The following SNX18 variants were observed in gnomAD, a reference collection of about 807,000 sequenced individuals.
The protein encoded by SNX18 is sorting nexin 18, also known as sorting nexin-18.
Under a neutral mutation model 48.7 loss-of-function variants are expected in SNX18, and 35 were observed. That is an observed-to-expected ratio of 0.72 (90% confidence interval 0.55 to 0.95). SNX18 has a LOEUF of 0.95. SNX18 is among the 40% of genes least tolerant of loss of function. The pLI, the probability that SNX18 is intolerant of heterozygous loss-of-function variation, is 0.00. For missense variants in SNX18, 824 were observed against 871.0 expected (o/e 0.95, Z 0.68); for synonymous variants, 492 against 384.7 (o/e 1.28, Z -3.26).
At chr5:54,614,174 T>A in the SNX18 span, among the ~76,000 whole-genome samples, 183 of 152,352 alleles carry the variant, frequency 1.2e-3, no homozygotes, top group African/African-American at 4.2e-3. Flanking sequence ...GCCAGCCCAT[T>A]GGCCATCATG....
chr5:54,533,491 G>A (rs898376498), intron 1 of SNX18, among the ~76,000 whole-genome samples: 3 of 152,184 alleles, frequency 2.0e-5, no homozygotes, highest in East Asian at 1.9e-4. Context: ...CTTTGAGGCC[G>A]ATCTATGGGG....
intron 1 of SNX18, among the ~76,000 whole-genome samples, chr5:54,532,313 T>A (rs1039138844): frequency 1.0e-5 from 1 of 100,124 alleles, no homozygotes; most frequent in Non-Finnish European, 2.4e-5. Flanking sequence ...GTTGCTTTTT[T>A]TTTTTCTTTT....
At chr5:54,621,978 C>T in the SNX18 span, among the ~76,000 whole-genome samples, 1 of 152,174 alleles carries the variant, frequency 6.6e-6, no homozygotes, top group East Asian at 1.9e-4. Context: ...CTCCAACTGC[C>T]TGGTAATAAT....
chr5:54,614,989 A>C, the SNX18 span, among the ~76,000 whole-genome samples: 3 of 152,172 alleles, frequency 2.0e-5, no homozygotes, highest in Non-Finnish European at 4.4e-5. Context: ...AGAGATTAAG[A>C]AACTTGTCCA....
the SNX18 span, among the ~76,000 whole-genome samples, chr5:54,562,326 T>G: frequency 6.6e-6 from 1 of 152,340 alleles, no homozygotes; most frequent in Admixed American, 6.5e-5. Context: ...GTTAAAAATA[T>G]GAAGGCAGAA....
the SNX18 span, among the ~76,000 whole-genome samples, chr5:54,596,975 T>C: frequency 6.6e-4 from 100 of 151,830 alleles, no homozygotes; most frequent in East Asian, 0.019. Flanking sequence ...GGATAAAGAG[T>C]CAAAATCCAG....
At chr5:54,633,703 A>C in the SNX18 span, among the ~76,000 whole-genome samples, 1 of 152,260 alleles carries the variant, frequency 6.6e-6, no homozygotes, top group Non-Finnish European at 1.5e-5. Context: ...GTTACCTGTT[A>C]CTATGCATTT....
rs184243788 is a variant in SNX18, at chr5:54,522,373, A to T, written c.1621+2800A>T. On this transcript the variant is annotated intron_variant, in intron 1 of 1. Coordinates refer to ENST00000381410, the MANE Select transcript of SNX18 (RefSeq NM_001102575.2). ...AACTGAATATTGGTCAACAGAAATG[A>T]TAGAACTTTTCCATCAGTGCTGAAA... 4.4e-3 allele frequency among the ~76,000 whole-genome samples: 674 copies of T among 152,350 alleles called. 3 individuals carry two copies. Among genetic ancestry groups the T allele is most frequent in the Admixed American group, 8.7e-3 (133 of 15,306 alleles).
At chr5:54,639,841 G>A in the SNX18 span, among the ~76,000 whole-genome samples, 1 of 152,176 alleles carries the variant, frequency 6.6e-6, no homozygotes, top group Non-Finnish European at 1.5e-5. Context: ...GGCTGACCAA[G>A]GAGGTTATGC....
chr5:54,641,039 G>A, the SNX18 span, among the ~76,000 whole-genome samples: 14 of 152,020 alleles, frequency 9.2e-5, no homozygotes, highest in Admixed American at 1.3e-4. Context: ...CAGCCTGCAC[G>A]ACAAAGCAAG....
At chr5:54,627,168 AT>A in the SNX18 span, among the ~76,000 whole-genome samples, 1 of 152,356 alleles carries the variant, frequency 6.6e-6, no homozygotes, top group South Asian at 2.1e-4. Context: ...ACAAATAAAA[AT>A]TAACATCTAC....
At chr5:54,567,581 A>G in the SNX18 span, among the ~76,000 whole-genome samples, 5 of 152,154 alleles carry the variant, frequency 3.3e-5, no homozygotes, top group African/African-American at 1.2e-4. Flanking sequence ...GAAGAACAAG[A>G]GGAGGGAGCT....
the SNX18 span, among the ~76,000 whole-genome samples, chr5:54,587,476 A>C: frequency 6.6e-6 from 1 of 152,142 alleles, no homozygotes; most frequent in Non-Finnish European, 1.5e-5. Flanking sequence ...TCCAAAGGTG[A>C]ATTAATGTTT....
chr5:54,625,049 A>G, the SNX18 span, among the ~76,000 whole-genome samples: 7 of 152,154 alleles, frequency 4.6e-5, no homozygotes, highest in African/African-American at 1.7e-4. Flanking sequence ...AAACTTATAT[A>G]TTCAGTTAAA....
chr5:54,630,727 T>C, the SNX18 span, among the ~76,000 whole-genome samples: 2 of 150,440 alleles, frequency 1.3e-5, no homozygotes, highest in South Asian at 4.2e-4. Context: ...CCAGTTACTC[T>C]GGAGGCTGAG....
At chr5:54,593,109 A>G in the SNX18 span, among the ~76,000 whole-genome samples, 1 of 152,108 alleles carries the variant, frequency 6.6e-6, no homozygotes, top group Non-Finnish European at 1.5e-5. Flanking sequence ...CCCCACAAAT[A>G]TATTATTGAT....
At chr5:54,571,191 C>G in the SNX18 span, among the ~76,000 whole-genome samples, 1 of 151,868 alleles carries the variant, frequency 6.6e-6, no homozygotes, top group Non-Finnish European at 1.5e-5. Flanking sequence ...ACTTCCTCTA[C>G]GCAGAAGGGC....
At chr5:54,643,633 T>C in the SNX18 span, 1 of 152,234 alleles carries the variant, frequency 6.6e-6, no homozygotes, top group East Asian at 1.9e-4. Context: ...ATTTTGGAGG[T>C]ATCAATTCCT....
chr5:54,549,107 T>G (rs914110209), downstream of SNX18, among the ~76,000 whole-genome samples: 1 of 152,230 alleles, frequency 6.6e-6, no homozygotes, highest in Non-Finnish European at 1.5e-5. Context: ...GATCCACAGA[T>G]GTGGAACCCA....
Sources: gnomAD v4.1 joint callset for allele counts (sites outside exome capture counted in the v4.1 genomes callset) on GRCh38, gnomAD v4.1.1 for gene constraint, MANE v1.5 for transcripts, NCBI Gene and HGNC (gene_info 2026-07-23, HGNC 2026-07-21) for gene names.